RDH13: variants seen among roughly 807,000 people sequenced by gnomAD.
The protein encoded by RDH13 is retinol dehydrogenase 13 (all-trans and 9-cis).
A neutral mutation model predicts 28.3 loss-of-function variants in RDH13; 35 were observed. The observed-to-expected ratio is 1.24, with a 90% CI of 0.95 to 1.64. The LOEUF is 1.64. RDH13 is among the 40% of genes most tolerant of loss of function. The pLI, the probability that RDH13 is intolerant of heterozygous loss-of-function variation, is 0.00. For missense variants in RDH13, 514 were observed against 446.3 expected (o/e 1.15, Z -1.37); for synonymous variants, 229 against 198.5 (o/e 1.15, Z -1.29).
intron 2 of RDH13, among the ~76,000 whole-genome samples, chr19:55,057,640 G>A (rs555277169): frequency 1.3e-5 from 2 of 151,854 alleles, no homozygotes; most frequent in South Asian, 2.1e-4. Flanking sequence ...GTTTCACCAT[G>A]TTAGCCAAGC....
At chr19:55,041,651 C>A (rs1671215), downstream of RDH13, 99,859 of 152,116 alleles carry the variant, frequency 0.66, 33,131 homozygotes, top group East Asian at 0.82. Context: ...GATGATGTAA[C>A]TGTCACCCCG....
At chr19:55,045,537 C>T (rs893871290) in intron 6 of RDH13, among the ~76,000 whole-genome samples, 2 of 152,196 alleles carry the variant, frequency 1.3e-5, no homozygotes, top group African/African-American at 4.8e-5. Context: ...GCCTTCCTGG[C>T]TTTGTCCAGG....
At chr19:55,044,252 T>G (rs1411914913), downstream of RDH13, 1 of 152,148 alleles carries the variant, frequency 6.6e-6, no homozygotes, top group Non-Finnish European at 1.5e-5. Flanking sequence ...AGCCATGAGT[T>G]GCCTTTGTTC....
At chr19:55,049,389 C>T (rs540523990) in intron 3 of RDH13, among the ~76,000 whole-genome samples, 2 of 152,188 alleles carry the variant, frequency 1.3e-5, no homozygotes, top group Non-Finnish European at 2.9e-5. Flanking sequence ...ATGGAGACTG[C>T]AGCCTCAGTT....
At chr19:55,047,351 C>T in intron 6 of RDH13, 36 bp downstream of exon 6, 1 of 1,599,670 alleles carries the variant, frequency 6.3e-7, no homozygotes, top group East Asian at 2.2e-5. Flanking sequence ...GGGTGGAGGG[C>T]TCCACGTGGA....
intron 3 of RDH13, among the ~76,000 whole-genome samples, chr19:55,049,172 G>A (rs897331903): frequency 2.0e-5 from 3 of 152,190 alleles, no homozygotes; most frequent in Admixed American, 6.5e-5. Context: ...GTCTGAGGGT[G>A]TAAGCCACTG....
intron 6 of RDH13, 175 bp downstream of exon 6, chr19:55,047,212 C>T: frequency 1.4e-6 from 2 of 1,406,778 alleles, no homozygotes; most frequent in Non-Finnish European, 1.8e-6. Context: ...CTGTTAGAGG[C>T]TGGCAGGCCA....
Position 55,059,162 on chromosome 19 carries a change from C to T in RDH13, c.179G>A (p.Arg60Lys). 6.3e-7 allele frequency: 1 copy of T among 1,585,052 alleles called. No homozygotes were observed. Among genetic ancestry groups the T allele is most frequent in the Admixed American group, 1.8e-5 (1 of 56,338 alleles). ...CAAAGCAGGGGAGATTTTACCTCTC[C>T]TGGCCAGTTCCAAGGCGGTCTGCTT... ...IGKQTALELARRGGNIILACR... is the reference protein window; with the variant it reads ...IGKQTALELAKRGGNIILACR... Residue 60 changes from arginine (R) to lysine (K), a missense_variant, in exon 2 of 7, where the codon AGG becomes AAG. Arg to Lys is a conservative substitution (Grantham distance 26). Transcript: ENST00000415061.
chr19:55,058,675 T>G (rs1456549449), intron 2 of RDH13, among the ~76,000 whole-genome samples: 1 of 151,854 alleles, frequency 6.6e-6, no homozygotes, highest in African/African-American at 2.4e-5. Flanking sequence ...ATGCCCTTTT[T>G]TTTGTTTTGC....
At chr19:55,052,240 C>G (rs2075468406) in intron 3 of RDH13, among the ~76,000 whole-genome samples, 1 of 151,686 alleles carries the variant, frequency 6.6e-6, no homozygotes, top group Non-Finnish European at 1.5e-5. Flanking sequence ...GAAACCCTGT[C>G]TCTACCTAAA....
At chr19:55,039,724 A>G (rs1403736022), downstream of RDH13, 1 of 151,900 alleles carries the variant, frequency 6.6e-6, no homozygotes, top group African/African-American at 2.4e-5. Context: ...CTGTAGTCCC[A>G]GCTACTCCGG....
chr19:55,057,061 A>C (rs1300231825), intron 2 of RDH13, among the ~76,000 whole-genome samples: 2 of 152,194 alleles, frequency 1.3e-5, no homozygotes, highest in Non-Finnish European at 2.9e-5. Flanking sequence ...ATGCTACAGC[A>C]AGGATGACCG....
intron 3 of RDH13, among the ~76,000 whole-genome samples, chr19:55,055,344 G>C (rs141300342): frequency 6.6e-6 from 1 of 151,900 alleles, no homozygotes; most frequent in African/African-American, 2.4e-5. Flanking sequence ...GTAGAGACAG[G>C]GTTTCACCAT....
At chr19:55,062,771 C>T (rs932213569) in intron 1 of RDH13, among the ~76,000 whole-genome samples, 197 bp downstream of exon 1, 4 of 152,260 alleles carry the variant, frequency 2.6e-5, no homozygotes, top group African/African-American at 9.6e-5. Context: ...GGCCCAGGCT[C>T]GCCCTTCCCT....
Position 55,048,848 on chromosome 19 carries a change from A to G in RDH13, c.341-85T>C, listed in dbSNP as rs528462025. 12 of 1,193,124 alleles carry G rather than the reference A, an allele frequency of 1.0e-5. No homozygotes were observed. The East Asian group carries it at 3.0e-4, about 30-fold the overall frequency. 73.9% of individuals were successfully genotyped at this position (1,193,124 alleles called of 1,614,324 possible). ...CCAGCAGAAACACTCCTGTGCTCCC[A>G]CAACCTGTGAATGTGGCCTGTGCCG... On this transcript the variant is annotated intron_variant, in intron 3 of 6. Coordinates refer to ENST00000415061, the MANE Select transcript of RDH13 (RefSeq NM_001145971.2).
At chr19:55,066,941 C>T (rs377765178), upstream of RDH13, among the ~76,000 whole-genome samples, 6 of 152,246 alleles carry the variant, frequency 3.9e-5, no homozygotes, top group South Asian at 8.3e-4. Flanking sequence ...CCAGCCATCA[C>T]CAAAGGGCAC....
chr19:55,057,505 T>A (rs1181833195), intron 2 of RDH13, among the ~76,000 whole-genome samples: 2 of 150,668 alleles, frequency 1.3e-5, no homozygotes, highest in East Asian at 3.9e-4. Context: ...CAATCTCGGC[T>A]CACTGCAACC....
chr19:55,048,130 A>C (rs1226165738), intron 5 of RDH13, 199 bp downstream of exon 5: 43 of 1,532,098 alleles, frequency 2.8e-5, no homozygotes, highest in Non-Finnish European at 3.5e-5. Context: ...ACCTGGGATG[A>C]ACAGACAATC....
chr19:55,048,511 T>C lies in RDH13; in HGVS notation c.476A>G (p.Asp159Gly), dbSNP rs1439600593. 6.2e-7 allele frequency: 1 copy of C among 1,614,140 alleles called. No homozygotes were observed. Among genetic ancestry groups the C allele is most frequent in the Non-Finnish European group, 8.5e-7 (1 of 1,180,014 alleles). Residue 159 changes from aspartate (D) to glycine (G), a missense_variant, in exon 5 of 7, where the codon GAC (aspartate) becomes GGC (glycine). Asp to Gly is a moderately conservative substitution (Grantham distance 94). Coordinates refer to ENST00000415061, the MANE Select transcript of RDH13 (RefSeq NM_001145971.2). ...CGAAGGGGCTGAGGCTTTCAGCTTG[T>C]CCAGCAGCAAGTTTGTCAAGAGAAA... ...GHFLLTNLLL[D>G]KLKASAPSRI...
Sources: allele counts gnomAD v4.1 joint callset (sites outside exome capture counted in the v4.1 genomes callset), GRCh38; gene constraint gnomAD v4.1.1; transcripts MANE v1.5; gene names NCBI Gene and HGNC (gene_info 2026-07-23, HGNC 2026-07-21).